SLC25A21: variants seen among roughly 807,000 people sequenced by gnomAD.
SLC25A21 encodes the protein solute carrier family 25 member 21.
SLC25A21 carries 47 observed loss-of-function variants against 43.8 expected under a neutral mutation model. That is an observed-to-expected ratio of 1.07 (90% CI 0.85 to 1.37). SLC25A21 has a LOEUF of 1.37. SLC25A21 is among the 40% of genes most tolerant of loss of function. The pLI is 0.00. For synonymous variants in SLC25A21, 131 were observed against 121.3 expected (o/e 1.08, Z -0.52); for missense variants, 352 against 350.2 (o/e 1.00, Z -0.04).
At chr14:37,118,943 T>C (rs1963155226) in intron 1 of SLC25A21, among the ~76,000 whole-genome samples, 1 of 152,112 alleles carries the variant, frequency 6.6e-6, no homozygotes, top group Non-Finnish European at 1.5e-5. Context: ...GATACAAGCT[T>C]AGCACAAGAT....
intron 1 of SLC25A21, among the ~76,000 whole-genome samples, chr14:37,092,103 G>C (rs768237461): frequency 3.9e-5 from 6 of 152,094 alleles, no homozygotes; most frequent in Non-Finnish European, 7.4e-5. Flanking sequence ...CTCCAGCCTG[G>C]GTGACAGAAC....
rs1363713309 is a variant in SLC25A21, at chr14:36,684,887, A to T, written c.642T>A (p.Gly214=). ...CTGAGGCTATTGTCCCCGAGAGAAGACCAATCCCAAATTTTCTCCAAAACT... is the reference window on the plus strand; with the variant it reads ...CTGAGGCTATTGTCCCCGAGAGAAGTCCAATCCCAAATTTTCTCCAAAACT... ...ILEFWRKFGI[G]LLSGTIASVI... is the part of the protein sequence containing the mutation. Residue 214 remains glycine (G), a synonymous_variant, in exon 8 of 10, where the codon GGT becomes GGA. Coordinates refer to ENST00000331299, the MANE Select transcript of SLC25A21 (RefSeq NM_030631.4). The T allele has an allele frequency of 6.2e-7, 1 of 1,610,512 alleles. No individual in the cohort carries two copies. The highest frequency in any genetic ancestry group is 1.3e-5 in the African/African-American group (1 of 74,518).
intron 1 of SLC25A21, among the ~76,000 whole-genome samples, chr14:36,943,813 C>T (rs1892622325): frequency 6.6e-6 from 1 of 152,064 alleles, no homozygotes; most frequent in African/African-American, 2.4e-5. Context: ...GAGTCTTATA[C>T]CACCTAACTG....
intron 7 of SLC25A21, among the ~76,000 whole-genome samples, chr14:36,710,496 T>G (rs1372435119): frequency 2.0e-5 from 3 of 152,120 alleles, no homozygotes; most frequent in African/African-American, 7.2e-5. Context: ...AGTGGCGCAA[T>G]CATAGCTCAC....
At chr14:37,127,389 A>G in intron 1 of SLC25A21, among the ~76,000 whole-genome samples, 1 of 152,240 alleles carries the variant, frequency 6.6e-6, no homozygotes, top group East Asian at 1.9e-4. Context: ...GCAGGTACCT[A>G]CCATTTGATC....
chr14:36,771,492 T>C (rs1886616551), intron 3 of SLC25A21, among the ~76,000 whole-genome samples: 1 of 152,056 alleles, frequency 6.6e-6, no homozygotes, highest in African/African-American at 2.4e-5. Context: ...GGCAATGAAA[T>C]ACAGTGCCAC....
intron 1 of SLC25A21, among the ~76,000 whole-genome samples, chr14:36,948,522 T>A (rs868361355): frequency 9.9e-5 from 15 of 152,220 alleles, no homozygotes; most frequent in African/African-American, 3.6e-4. Context: ...TTGAAGATAA[T>A]GAAAGTAAAA....
chr14:36,710,545 C>A lies in SLC25A21; in HGVS notation c.603+773G>T, dbSNP rs10147714. ...TCCTGGGCTCAAGCGCTCCTCCCAC[C>A]TCAGCCTCCCGAGTAGCTTCACTAT... On this transcript the variant is annotated intron_variant, in intron 7 of 9. Coordinates refer to ENST00000331299, the MANE Select transcript of SLC25A21 (RefSeq NM_030631.4). Among the ~76,000 whole-genome samples, 103 of 152,086 alleles carry A rather than the reference C, an allele frequency of 6.8e-4. 6 individuals are homozygous for A. The South Asian group carries it at 0.021, about 31-fold the overall frequency.
At chr14:36,897,791 G>A (rs1232133870) in intron 1 of SLC25A21, among the ~76,000 whole-genome samples, 1 of 152,322 alleles carries the variant, frequency 6.6e-6, no homozygotes, top group East Asian at 1.9e-4. Flanking sequence ...GAGTTTGCTG[G>A]AGGTCCACTC....
chr14:37,157,026 T>G (rs1191078788), intron 1 of SLC25A21, among the ~76,000 whole-genome samples: 1 of 152,206 alleles, frequency 6.6e-6, no homozygotes, highest in Admixed American at 6.6e-5. Context: ...GACCATATGT[T>G]ACGCCACAAC....
chr14:36,990,478 A>G (rs1960238537), intron 1 of SLC25A21, among the ~76,000 whole-genome samples: 1 of 152,232 alleles, frequency 6.6e-6, no homozygotes. Flanking sequence ...AAAAAAAGAA[A>G]TAATTCTGTA....
chr14:37,112,187 T>C (rs1287545899), intron 1 of SLC25A21, among the ~76,000 whole-genome samples: 1 of 152,134 alleles, frequency 6.6e-6, no homozygotes, highest in East Asian at 1.9e-4. Flanking sequence ...GATAGGGCAA[T>C]ACATTCCATA....
At chr14:37,102,711 C>A (rs1201260591) in intron 1 of SLC25A21, among the ~76,000 whole-genome samples, 8 of 152,022 alleles carry the variant, frequency 5.3e-5, no homozygotes, top group Admixed American at 2.0e-4. Context: ...TTTGGCTGGG[C>A]ATGGTGGCTC....
chr14:37,167,222 G>A (rs537635625), intron 1 of SLC25A21, among the ~76,000 whole-genome samples: 5 of 152,170 alleles, frequency 3.3e-5, no homozygotes, highest in Non-Finnish European at 7.3e-5. Flanking sequence ...AACCAAGAAA[G>A]ATTTCACTTG....
At chr14:36,910,805 A>T (rs1891667345) in intron 1 of SLC25A21, among the ~76,000 whole-genome samples, 1 of 152,230 alleles carries the variant, frequency 6.6e-6, no homozygotes, top group Non-Finnish European at 1.5e-5. Context: ...TTAGTTAATG[A>T]ACTGTAAAAT....
At chr14:36,845,473 A>T (rs868263666) in intron 2 of SLC25A21, among the ~76,000 whole-genome samples, 145 of 152,354 alleles carry the variant, frequency 9.5e-4, no homozygotes, top group African/African-American at 3.4e-3. Context: ...ACACAGACTT[A>T]GATGCCATAA....
At chr14:36,720,854 A>C (rs1437281367) in intron 6 of SLC25A21, among the ~76,000 whole-genome samples, 1 of 152,186 alleles carries the variant, frequency 6.6e-6, no homozygotes. Context: ...TCTGAGTTTA[A>C]AGACCTTATC....
intron 3 of SLC25A21, among the ~76,000 whole-genome samples, chr14:36,781,591 T>G (rs777998494): frequency 6.6e-6 from 1 of 152,216 alleles, no homozygotes; most frequent in Non-Finnish European, 1.5e-5. Flanking sequence ...TTAATTTCTA[T>G]CACATACAAA....
intron 7 of SLC25A21, among the ~76,000 whole-genome samples, chr14:36,697,488 C>T (rs1364996231): frequency 1.3e-5 from 2 of 152,142 alleles, no homozygotes; most frequent in East Asian, 1.9e-4. Flanking sequence ...TCTCGTTGAT[C>T]TGTCTAATAT....
Sources: allele counts gnomAD v4.1 joint callset (sites outside exome capture counted in the v4.1 genomes callset), GRCh38; gene constraint gnomAD v4.1.1; transcripts MANE v1.5; gene names NCBI Gene and HGNC (gene_info 2026-07-23, HGNC 2026-07-21).